ABCC2: variants seen among roughly 807,000 people sequenced by gnomAD.
ABCC2 encodes ATP-binding cassette sub-family C member 2.
A neutral mutation model predicts 173.4 loss-of-function variants in ABCC2; 157 were observed. That is an observed-to-expected ratio of 0.91 (90% CI 0.80 to 1.03). ABCC2 has a LOEUF of 1.03. Among genes scored for constraint, ABCC2 ranks in the 50% least tolerant of loss-of-function variants. The probability of loss-of-function intolerance (pLI) is 0.00; values close to 1 mark genes in which losing one functional copy is unlikely to be tolerated. For synonymous variants in ABCC2, 657 were observed against 693.5 expected (o/e 0.95, Z 0.83); for missense variants, 1,822 against 1,852.3 (o/e 0.98, Z 0.30).
At chr10:99,819,695 G>C (rs1590172323) in intron 19 of ABCC2, among the ~76,000 whole-genome samples, 1 of 152,206 alleles carries the variant, frequency 6.6e-6, no homozygotes, top group South Asian at 2.1e-4. Context: ...GGCACTATTA[G>C]TGTACTGCTA....
Position 99,851,735 on chromosome 10 carries a change from G to GT in ABCC2, c.*108dup. On this transcript the variant is annotated 3_prime_UTR_variant, in exon 32 of 32. Coordinates refer to ENST00000647814, the MANE Select transcript of ABCC2 (RefSeq NM_000392.5). ...ATACAAAAGTGTGTATAAAATGTAC[G>GT]TTTTAAAAAAGGATAAGTGAACACC... 8.2e-7 allele frequency: 1 copy of GT among 1,226,020 alleles called. No individual in the cohort carries two copies. The highest frequency in any genetic ancestry group is 1.1e-6 in the Non-Finnish European group (1 of 886,040). The allele number at this position is 1,226,020 out of a possible 1,614,324, so 75.9% of individuals were successfully genotyped here. A position where few individuals can be genotyped will look rare whatever the true frequency, so the allele number is the denominator to read the frequency against.
At chr10:99,795,746 A>AGAAG (rs1416483584) in intron 6 of ABCC2, among the ~76,000 whole-genome samples, 1 of 79,680 alleles carries the variant, frequency 1.3e-5, no homozygotes, top group Non-Finnish European at 2.6e-5. Flanking sequence ...AAGGAAAGAA[A>AGAAG]GAAAGAAAGA....
chr10:99,822,385 G>A (rs1254475334), intron 19 of ABCC2, among the ~76,000 whole-genome samples: 2 of 151,394 alleles, frequency 1.3e-5, no homozygotes, highest in African/African-American at 4.9e-5. Context: ...TTCTTCTGAC[G>A]TCACCATTTT....
chr10:99,801,604 T>A (rs2038017048), intron 9 of ABCC2, among the ~76,000 whole-genome samples: 1 of 152,204 alleles, frequency 6.6e-6, no homozygotes, highest in Admixed American at 6.5e-5. Flanking sequence ...CATACCAAGA[T>A]GAAGTCCCAT....
At position 99,836,299 on chromosome 10, in the gene ABCC2, T is replaced by C. The variant is rs1386233094; in HGVS notation, c.3614+9T>C. On this transcript the variant is annotated intron_variant, in intron 25 of 31. Transcript: ENST00000647814. ...TGGATCACCTCCAACAGGTGAGGCT[T>C]CCCCTGGGTATTTACCCATGTGTGT... 1 of 1,613,772 alleles carries C rather than the reference T, an allele frequency of 6.2e-7. No homozygotes were observed. Among genetic ancestry groups the C allele is most frequent in the African/African-American group, 1.3e-5 (1 of 74,938 alleles).
In ABCC2 at chr10:99,800,416, C is replaced by A. The variant is rs558253756; in HGVS notation, c.1062C>A (p.Asp354Glu). ...KLLISFASDR[D>E]TYLWIGYLCA... ...TGATCTCCTTTGCAAGTGACCGTGA[C>A]ACATATTTGTGGATTGGATATCTCT... is the stretch of plus-strand genomic sequence containing the variant. The change falls in exon 9 of 32, where the codon GAC (aspartate) becomes GAA (glutamate). Residue 354 changes from aspartate (D) to glutamate (E), a missense_variant. Asp to Glu is a conservative substitution (Grantham distance 45). Transcript: ENST00000647814. The A allele has an allele frequency of 2.5e-6, 4 of 1,614,148 alleles. No individual in the cohort carries two copies. In the African/African-American group the frequency reaches 5.3e-5, roughly 22 times the overall value.
intron 29 of ABCC2, 56 bp from the exon 30 acceptor site, chr10:99,846,905 T>G: frequency 2.5e-6 from 4 of 1,608,686 alleles, no homozygotes; most frequent in Admixed American, 1.7e-5. Context: ...CCTGAGGAAC[T>G]CCGAGGTCCT....
Position 99,799,355 on chromosome 10 carries a change from G to C in ABCC2, c.1016G>C (p.Ser339Thr), listed in dbSNP as rs766835577. 14 of 1,614,012 alleles carry C rather than the reference G, an allele frequency of 8.7e-6. No homozygotes were observed. The highest frequency in any genetic ancestry group is 6.8e-6 in the Non-Finnish European group (8 of 1,180,026). The change falls in exon 8 of 32, where the codon AGT becomes ACT. Residue 339 changes from serine (S) to threonine (T), a missense_variant. Transcript: ENST00000647814. ...GTGAATGACATCTTCACGTTTGTGA[G>C]TCCTCAGCTGCTGAAGTGAGTCTCC... ...KLVNDIFTFV[S>T]PQLLKLLISF...
chr10:99,797,400 C>G, intron 7 of ABCC2, 69 bp downstream of exon 7: 2 of 1,367,550 alleles, frequency 1.5e-6, no homozygotes, highest in Non-Finnish European at 1.0e-6. Context: ...AGCATCATGG[C>G]GATTCTGTCC....
intron 19 of ABCC2, among the ~76,000 whole-genome samples, chr10:99,821,468 G>C (rs918708444): frequency 6.6e-6 from 1 of 152,102 alleles, no homozygotes; most frequent in Non-Finnish European, 1.5e-5. Context: ...AGAAACCTTG[G>C]ACAATACCTG....
intron 2 of ABCC2, among the ~76,000 whole-genome samples, chr10:99,791,757 T>C (rs1358556125): frequency 2.0e-5 from 3 of 152,226 alleles, no homozygotes; most frequent in Non-Finnish European, 4.4e-5. Context: ...CCAAGTGGAC[T>C]TCTCCAAAGA....
intron 30 of ABCC2, among the ~76,000 whole-genome samples, chr10:99,847,434 T>G (rs1022818878): frequency 6.6e-5 from 10 of 151,262 alleles, no homozygotes; most frequent in African/African-American, 2.4e-4. Context: ...AAACCCTGTC[T>G]CTACTAAAAA....
chr10:99,800,683 GGCC>G, intron 9 of ABCC2, 120 bp downstream of exon 9: 1 of 1,135,828 alleles, frequency 8.8e-7, no homozygotes, highest in Non-Finnish European at 1.3e-6. Context: ...AATGTTGACT[GGCC>G]ATACAGCCTC....
chr10:99,797,488 G>A (rs2037939218), intron 7 of ABCC2, 157 bp downstream of exon 7: 1 of 705,562 alleles, frequency 1.4e-6, no homozygotes, highest in Non-Finnish European at 2.5e-6. Context: ...TACTACCTTA[G>A]TGATGGATAC....
chr10:99,830,731 C>T lies in ABCC2; in HGVS notation c.2763C>T (p.Gly921=), dbSNP rs772535780. 1.9e-6 allele frequency: 3 copies of T among 1,614,100 alleles called. No individual in the cohort carries two copies. Among genetic ancestry groups the T allele is most frequent in the Non-Finnish European group, 2.5e-6 (3 of 1,180,016 alleles). ...CCTCTCTCAGTTCTAGGTCCAATGG[C>T]AGGCATCTGAAGTCCCTGAGAAACT... is the stretch of plus-strand genomic sequence containing the variant. The part of the protein sequence containing the change: ...RTLSRSSRSN[G]RHLKSLRNSL... The change falls in exon 21 of 32, where the codon GGC becomes GGT. Residue 921 remains glycine (G), a synonymous_variant. Transcript: ENST00000647814.
intron 16 of ABCC2, among the ~76,000 whole-genome samples, chr10:99,815,162 G>A (rs2038386024): frequency 2.0e-5 from 3 of 151,856 alleles, no homozygotes; most frequent in African/African-American, 4.8e-5. Flanking sequence ...TGTTCTCCCT[G>A]TTCAACTCCC....
chr10:99,794,421 A>T lies in ABCC2; in HGVS notation c.585A>T (p.Ser195=). ...TTTTTTGTGTCTTTCAGAATCCATCATCCATAGCTTCATTCCTGAGTAGCA... is the reference window on the plus strand; with the variant it reads ...TTTTTTGTGTCTTTCAGAATCCATCTTCCATAGCTTCATTCCTGAGTAGCA... ...SENNESSNNP[S]SIASFLSSIT... The change falls in exon 6 of 32, where the codon TCA becomes TCT. Residue 195 remains serine, a synonymous_variant. Transcript: ENST00000647814. 6.2e-7 allele frequency: 1 copy of T among 1,613,966 alleles called. No homozygotes were observed.
chr10:99,836,438 C>A, intron 25 of ABCC2, 148 bp downstream of exon 25: 1 of 920,154 alleles, frequency 1.1e-6, no homozygotes, highest in Non-Finnish European at 1.7e-6. Flanking sequence ...GAGAAGAAAG[C>A]ATGAGCTTTG....
rs775725511 is a variant in ABCC2 at position 99,807,458 on chromosome 10, C to T, written c.1605C>T (p.Asn535=). The change falls in exon 12 of 32, where the codon AAC becomes AAT. Residue 535 remains asparagine, a synonymous_variant. Transcript: ENST00000647814. ...ACCTCCGGAAGAAAGAGCTCAAGAA[C>T]CTGCTGGCCTTTAGTCAACTACAGT... is the stretch of plus-strand genomic sequence containing the variant. ...VQNLRKKELK[N]LLAFSQLQCV... The T allele has an allele frequency of 3.7e-6, 6 of 1,613,982 alleles. No individual in the cohort carries two copies. Among genetic ancestry groups the T allele is most frequent in the Non-Finnish European group, 5.1e-6 (6 of 1,179,992 alleles).
Sources: gnomAD v4.1 joint callset for allele counts (sites outside exome capture counted in the v4.1 genomes callset) on GRCh38, gnomAD v4.1.1 for gene constraint, MANE v1.5 for transcripts, NCBI Gene and HGNC (gene_info 2026-07-23, HGNC 2026-07-21) for gene names.